CTSO: variants seen among roughly 807,000 people sequenced by gnomAD.
The protein encoded by CTSO is cathepsin O.
Under a neutral mutation model 42.4 loss-of-function variants are expected in CTSO, and 40 were observed. The observed-to-expected ratio is 0.94, with a 90% CI of 0.73 to 1.23. The LOEUF (loss-of-function observed/expected upper bound fraction) is 1.23. Ranked by LOEUF, CTSO falls within the 50% of genes most tolerant of loss-of-function variation. The pLI, the probability that CTSO is intolerant of heterozygous loss-of-function variation, is 0.00. For missense variants in CTSO, 441 were observed against 396.0 expected, an observed-to-expected ratio of 1.11 and a Z score of -0.96; for synonymous variants, 156 against 146.2, an observed-to-expected ratio of 1.07 and a Z score of -0.48.
intron 6 of CTSO, 95 bp from the exon 7 acceptor site, chr4:155,928,523 T>G: frequency 1.2e-6 from 1 of 825,910 alleles, no homozygotes; most frequent in Admixed American, 2.4e-5. Flanking sequence ...TTGCTAAGGA[T>G]AGTAGCTCTG....
intron 1 of CTSO, among the ~76,000 whole-genome samples, chr4:155,948,857 A>T (rs2137780): frequency 1.4e-4 from 22 of 151,998 alleles, no homozygotes; most frequent in African/African-American, 3.4e-4. Context: ...TAGAAACCCA[A>T]GGAGGGTGAC....
At position 155,931,047 on chromosome 4, in the gene CTSO, A is replaced by T. The variant is rs138085761; in HGVS notation, c.675-1342T>A. Among the ~76,000 whole-genome samples, 230 of 152,298 alleles carry T rather than the reference A, an allele frequency of 1.5e-3. 1 individual carries two copies. Among genetic ancestry groups the T allele is most frequent in the African/African-American group, 5.3e-3 (220 of 41,564 alleles). On this transcript the variant is annotated intron_variant, in intron 5 of 7. Transcript: ENST00000433477. ...CATGCAGAATCAATACAAGGATAAAATTATGGCATACAATTTTGCAAGACA... is the reference window on the plus strand; with the variant it reads ...CATGCAGAATCAATACAAGGATAAATTTATGGCATACAATTTTGCAAGACA...
At position 155,949,014 on chromosome 4, in the gene CTSO, G is replaced by A. The variant is rs188633322; in HGVS notation, c.135+4699C>T. Among the ~76,000 whole-genome samples, 8 of 152,258 alleles carry A rather than the reference G, an allele frequency of 5.3e-5. 1 individual carries two copies. The highest frequency in any genetic ancestry group is 7.4e-5 in the Non-Finnish European group (5 of 68,022). On this transcript the variant is annotated intron_variant, in intron 1 of 7. Coordinates refer to ENST00000433477, the MANE Select transcript of CTSO (RefSeq NM_001334.3). ...CTCAACTGTTTCTAAAGGAGTAAGCGAATCTTTTATGAGCAAACTGTTGAG... is the reference window on the plus strand; with the variant it reads ...CTCAACTGTTTCTAAAGGAGTAAGCAAATCTTTTATGAGCAAACTGTTGAG...
chr4:155,936,603 C>G (rs1339629582), intron 5 of CTSO, among the ~76,000 whole-genome samples: 1 of 152,166 alleles, frequency 6.6e-6, no homozygotes, highest in Non-Finnish European at 1.5e-5. Flanking sequence ...CTATTTTGCA[C>G]TCTATCAAAT....
chr4:155,926,656 T>G (rs1329799901), intron 7 of CTSO, among the ~76,000 whole-genome samples: 1 of 152,220 alleles, frequency 6.6e-6, no homozygotes, highest in African/African-American at 2.4e-5. Context: ...TAATATGACA[T>G]CATTGTAACT....
At position 155,937,427 on chromosome 4, in the gene CTSO, C is replaced by T. The variant is rs139753097; in HGVS notation, c.609G>A (p.Leu203=). ...SEYPFKAQNG[L]CHYFSGSHSG... ...AATGTGAACCAGAAAAGTAATGGCA[C>T]AGACCATTTTGTGCTTTAAAAGGAT... The change falls in exon 5 of 8, where the codon CTG becomes CTA. Residue 203 remains leucine, a synonymous_variant. Transcript: ENST00000433477. 7.9e-4 allele frequency: 1,268 copies of T among 1,612,876 alleles called. No individual in the cohort carries two copies. The highest frequency in any genetic ancestry group is 1.0e-3 in the Non-Finnish European group (1,197 of 1,178,992).
intron 1 of CTSO, among the ~76,000 whole-genome samples, chr4:155,950,331 C>T (rs1560791895): frequency 6.6e-6 from 1 of 152,150 alleles, no homozygotes; most frequent in South Asian, 2.1e-4. Flanking sequence ...CAGGACAGCA[C>T]GCGTCTTATT....
At chr4:155,951,860 T>C (rs530870292) in intron 1 of CTSO, among the ~76,000 whole-genome samples, 1 of 152,264 alleles carries the variant, frequency 6.6e-6, no homozygotes, top group South Asian at 2.1e-4. Flanking sequence ...CTGATGATCT[T>C]AGATGAAAGA....
intron 5 of CTSO, among the ~76,000 whole-genome samples, chr4:155,930,676 A>T (rs1261916732): frequency 1.3e-5 from 2 of 152,212 alleles, no homozygotes; most frequent in Non-Finnish European, 2.9e-5. Flanking sequence ...GTAAGTAAAT[A>T]ATCTTTCATG....
chr4:155,947,452 T>A (rs967137773), intron 1 of CTSO, among the ~76,000 whole-genome samples: 32 of 152,318 alleles, frequency 2.1e-4, no homozygotes, highest in African/African-American at 7.2e-4. Flanking sequence ...GAGCAAGTAT[T>A]TCTCATGTCA....
At chr4:155,927,830 T>C (rs763197490) in intron 7 of CTSO, among the ~76,000 whole-genome samples, 53 of 152,172 alleles carry the variant, frequency 3.5e-4, no homozygotes, top group Non-Finnish European at 6.6e-4. Flanking sequence ...TGCCTAAGCC[T>C]CTCAATTCTA....
At position 155,953,842 on chromosome 4, in the gene CTSO, G is replaced by C; in HGVS notation, c.6C>G (p.Asp2Glu). 7.8e-7 allele frequency: 1 copy of C among 1,285,170 alleles called. No homozygotes were observed. Among genetic ancestry groups the C allele is most frequent in the Non-Finnish European group, 9.8e-7 (1 of 1,019,526 alleles). 79.6% of individuals were successfully genotyped at this position (1,285,170 alleles called of 1,614,324 possible). The stretch of plus-strand genomic sequence containing the variant: ...ACGGCAGCCACGGCAGCGCCCGCAC[G>C]TCCATTGCGGCGCCCGGCTCCTCTG... MDVRALPWLPWL... is the reference protein window; with the variant it reads MEVRALPWLPWL... The change falls in exon 1 of 8, where the codon GAC becomes GAG. Residue 2 changes from aspartate (D) to glutamate (E), a missense_variant. Asp to Glu is a conservative substitution (Grantham distance 45). Coordinates refer to ENST00000433477, the MANE Select transcript of CTSO (RefSeq NM_001334.3).
intron 5 of CTSO, among the ~76,000 whole-genome samples, chr4:155,935,930 C>T (rs35387148): frequency 0.36 from 54,399 of 151,958 alleles, 11,314 homozygotes; most frequent in East Asian, 0.69. Flanking sequence ...CCAACAACTC[C>T]TGCATTCTCT....
At chr4:155,948,052 T>C (rs1403493409) in intron 1 of CTSO, among the ~76,000 whole-genome samples, 1 of 99,540 alleles carries the variant, frequency 1.0e-5, no homozygotes, top group East Asian at 3.3e-4. Context: ...TGGTGAAAAA[T>C]AACTACCTTC....
chr4:155,953,691 CG>C (rs1339467961), intron 1 of CTSO, 21 bp downstream of exon 1: 1 of 1,258,148 alleles, frequency 7.9e-7, no homozygotes. Context: ...GGACAGATCC[CG>C]GGGAGGCGCG....
rs201063063 is a variant in CTSO at position 155,925,983 on chromosome 4, T to C, written c.*53A>G. On this transcript the variant is annotated 3_prime_UTR_variant, in exon 8 of 8. Coordinates refer to ENST00000433477, the MANE Select transcript of CTSO (RefSeq NM_001334.3). ...TAATACTTTGAAGTACTATGTTACA[T>C]TGCATTATGAAAACCTTCATTTTTG... is the stretch of plus-strand genomic sequence containing the variant. 99 of 1,473,056 alleles carry C rather than the reference T, an allele frequency of 6.7e-5. No homozygotes were observed. The Middle Eastern group carries it at 6.9e-4, about 10-fold the overall frequency. The allele number at this position is 1,473,056 out of a possible 1,614,324, so 91.2% of individuals were successfully genotyped here.
At chr4:155,929,796 G>A in intron 5 of CTSO, 91 bp from the exon 6 acceptor site, 1 of 1,266,092 alleles carries the variant, frequency 7.9e-7, no homozygotes. Flanking sequence ...TTCTGAGTAG[G>A]TTTGGTTGCA....
At chr4:155,940,996 T>A (rs1579345283) in intron 3 of CTSO, among the ~76,000 whole-genome samples, 1 of 152,138 alleles carries the variant, frequency 6.6e-6, no homozygotes, top group East Asian at 1.9e-4. Flanking sequence ...CCCTCTTCAA[T>A]ACACTGTGGA....
At chr4:155,941,781 C>T (rs11736812) in intron 3 of CTSO, among the ~76,000 whole-genome samples, 24,668 of 152,202 alleles carry the variant, frequency 0.16, 2,544 homozygotes, top group Non-Finnish European at 0.24. Context: ...TTAAGGCCCA[C>T]AGATTCAAAG....
Sources: gnomAD v4.1 joint callset for allele counts (sites outside exome capture counted in the v4.1 genomes callset) on GRCh38, gnomAD v4.1.1 for gene constraint, MANE v1.5 for transcripts, NCBI Gene and HGNC (gene_info 2026-07-23, HGNC 2026-07-21) for gene names.